Variants in KIFBP observed in about 807,000 individuals in gnomAD.
KIFBP encodes the protein kinesin family binding protein, also known as KIF-binding protein.
Under a neutral mutation model 58.9 loss-of-function variants are expected in KIFBP, and 46 were observed. The ratio of observed to expected loss-of-function variants is 0.78; its 90% CI spans 0.62 to 1.00. The LOEUF is 1.00. KIFBP is among the 50% of genes least tolerant of loss of function. The pLI is 0.00. For missense variants in KIFBP, 651 were observed against 752.9 expected (o/e 0.86, Z 1.58); for synonymous variants, 241 against 283.4 (o/e 0.85, Z 1.50).
chr10:69,006,094 T>A, intron 4 of KIFBP, 179 bp downstream of exon 4: 1 of 601,698 alleles, frequency 1.7e-6, no homozygotes, highest in Non-Finnish European at 2.9e-6. Context: ...CTTTTTGTTG[T>A]ATGAATTATT....
intron 4 of KIFBP, among the ~76,000 whole-genome samples, chr10:69,007,311 A>G (rs1564637358): frequency 6.6e-6 from 1 of 152,246 alleles, no homozygotes; most frequent in Non-Finnish European, 1.5e-5. Flanking sequence ...TATTGCAAAA[A>G]GAGGGATTTG....
At chr10:68,992,356 G>A (rs534771658) in intron 1 of KIFBP, among the ~76,000 whole-genome samples, 33 of 152,182 alleles carry the variant, frequency 2.2e-4, no homozygotes, top group African/African-American at 6.7e-4. Context: ...TTTGATATGA[G>A]GGAAAAATTT....
chr10:69,004,782 T>C lies in KIFBP; in HGVS notation c.526-264T>C, dbSNP rs2246161. Among the ~76,000 whole-genome samples the C allele has an allele frequency of 0.08, 12,095 of 152,008 alleles. 662 individuals are homozygous for C. Among genetic ancestry groups the C allele is most frequent in the African/African-American group, 0.15 (6,066 of 41,430 alleles). ...AGGAGGCTGAGGTAGGAGGATTGCT[T>C]GAGGTGGGAGGATCGGGAGACGGAG... is the stretch of plus-strand genomic sequence containing the variant. On this transcript the variant is annotated intron_variant, in intron 2 of 6. Transcript: ENST00000361983.
chr10:69,002,571 T>C (rs1166440582), intron 2 of KIFBP, among the ~76,000 whole-genome samples: 1 of 152,126 alleles, frequency 6.6e-6, no homozygotes, highest in Non-Finnish European at 1.5e-5. Context: ...CAGTCTTATA[T>C]GTGAAATTGT....
chr10:69,005,849 C>T lies in KIFBP; in HGVS notation c.723C>T (p.His241=). 6.2e-7 allele frequency: 1 copy of T among 1,614,152 alleles called. No individual in the cohort carries two copies. Among genetic ancestry groups the T allele is most frequent in the Non-Finnish European group, 8.5e-7 (1 of 1,180,010 alleles). Residue 241 remains histidine, a synonymous_variant, in exon 4 of 7, where the codon CAC becomes CAT. Coordinates refer to ENST00000361983, the MANE Select transcript of KIFBP (RefSeq NM_015634.4). ...CHSTLKRQLE[H]NAYHPIEWAI... is the part of the protein sequence containing the mutation. ...GTACACTAAAACGCCAGCTTGAGCA[C>T]AATGCCTACCATCCTATAGAGTGGG...
intron 4 of KIFBP, 135 bp downstream of exon 4, chr10:69,006,050 C>A: frequency 1.2e-6 from 1 of 802,314 alleles, no homozygotes. Flanking sequence ...GCCGAAAATG[C>A]AGCCCAGTTT....
chr10:69,003,145 G>C (rs979539802), intron 2 of KIFBP, among the ~76,000 whole-genome samples: 23 of 151,812 alleles, frequency 1.5e-4, no homozygotes, highest in African/African-American at 5.6e-4. Context: ...CTTGTGTTTA[G>C]TTGTACCTCT....
chr10:69,005,303 T>C (rs1246414752), intron 3 of KIFBP, among the ~76,000 whole-genome samples, 178 bp downstream of exon 3: 1 of 152,216 alleles, frequency 6.6e-6, no homozygotes, highest in Admixed American at 6.5e-5. Flanking sequence ...TCCTTATCTG[T>C]CAAATAGATA....
chr10:69,010,448 G>A (rs1346266266), intron 5 of KIFBP, among the ~76,000 whole-genome samples: 1 of 152,188 alleles, frequency 6.6e-6, no homozygotes, highest in African/African-American at 2.4e-5. Context: ...CAAGAAAGCT[G>A]CTCTGCTATG....
chr10:69,012,146 C>T (rs1340574661), intron 6 of KIFBP, among the ~76,000 whole-genome samples: 1 of 152,130 alleles, frequency 6.6e-6, no homozygotes, highest in Non-Finnish European at 1.5e-5. Flanking sequence ...ACTTGAAATA[C>T]ACTAGGTAGG....
intron 6 of KIFBP, 108 bp downstream of exon 6, chr10:69,011,123 G>GGT: frequency 1.3e-6 from 1 of 762,576 alleles, no homozygotes; most frequent in Non-Finnish European, 2.3e-6. Flanking sequence ...TAATATGAAA[G>GGT]GTGTGTAGAA....
chr10:69,007,009 G>A (rs1843543544), intron 4 of KIFBP: 1 of 152,170 alleles, frequency 6.6e-6, no homozygotes, highest in Non-Finnish European at 1.5e-5. Flanking sequence ...CATCCAAAGT[G>A]TTATCCAGTG....
chr10:68,992,272 G>T (rs868824945), intron 1 of KIFBP, among the ~76,000 whole-genome samples: 1 of 152,142 alleles, frequency 6.6e-6, no homozygotes. Flanking sequence ...GGGATTACCA[G>T]TATAAGCCAC....
chr10:68,993,666 C>T (rs1251176122), intron 1 of KIFBP, among the ~76,000 whole-genome samples: 1 of 151,584 alleles, frequency 6.6e-6, no homozygotes, highest in African/African-American at 2.4e-5. Context: ...ATTGACCAGG[C>T]TGGTCTCAAA....
chr10:69,015,969 C>T lies in KIFBP; in HGVS notation c.1419C>T (p.Ile473=). 8 of 1,614,082 alleles carry T rather than the reference C, an allele frequency of 5.0e-6. No individual in the cohort carries two copies. Among genetic ancestry groups the T allele is most frequent in the Non-Finnish European group, 6.8e-6 (8 of 1,179,988 alleles). ...PQYYLLVNRQ[I]QFEIAHAYYD... ...ATTATCTGTTGGTCAACAGACAGAT[C>T]CAGTTTGAAATTGCACATGCTTACT... is the stretch of plus-strand genomic sequence containing the variant. Residue 473 remains isoleucine, a synonymous_variant, in exon 7 of 7, where the codon ATC becomes ATT. Coordinates refer to ENST00000361983, the MANE Select transcript of KIFBP (RefSeq NM_015634.4).
chr10:69,001,482 T>C (rs1003146326), intron 2 of KIFBP, among the ~76,000 whole-genome samples: 7 of 152,346 alleles, frequency 4.6e-5, no homozygotes, highest in East Asian at 3.9e-4. Context: ...CGGCTGAGCA[T>C]GGTGGCTCAT....
intron 1 of KIFBP, among the ~76,000 whole-genome samples, chr10:68,998,969 T>TG (rs1354553924): frequency 1.3e-5 from 2 of 151,506 alleles, no homozygotes; most frequent in Admixed American, 6.6e-5. Context: ...TCAGTAGAGA[T>TG]GGGGTTTCAC....
At position 69,016,105 on chromosome 10, in the gene KIFBP, CTCT is replaced by C; in HGVS notation, c.1560_1562del (p.Phe520del). The stretch of plus-strand genomic sequence containing the variant: ...TAAGTCAGCACTGAAGTACTACCAG[CTCT>C]TCTTAGACTCCCTGAGAGACCCAAA... On this transcript the variant is annotated inframe_deletion, in exon 7 of 7. Coordinates refer to ENST00000361983, the MANE Select transcript of KIFBP (RefSeq NM_015634.4). The C allele has an allele frequency of 1.2e-6, 2 of 1,614,062 alleles. No homozygotes were observed. Among genetic ancestry groups the C allele is most frequent in the Non-Finnish European group, 1.7e-6 (2 of 1,179,924 alleles).
intron 2 of KIFBP, among the ~76,000 whole-genome samples, chr10:69,002,163 CTT>C (rs912429874): frequency 4.9e-5 from 7 of 142,314 alleles, no homozygotes; most frequent in East Asian, 2.1e-4. Context: ...AAGATTCTGT[CTT>C]TTTTTTTTTT....
Sources: allele counts gnomAD v4.1 joint callset (sites outside exome capture counted in the v4.1 genomes callset), GRCh38; gene constraint gnomAD v4.1.1; transcripts MANE v1.5; gene names NCBI Gene and HGNC (gene_info 2026-07-23, HGNC 2026-07-21).